The following BTBD1 variants were observed in gnomAD, a reference collection of about 807,000 sequenced individuals.
BTBD1 encodes the protein BTB/POZ domain-containing protein 1.
In BTBD1, 34 loss-of-function variants were observed where a neutral mutation model predicts 48.0. That is an observed-to-expected ratio of 0.71 (90% CI 0.54 to 0.94). The LOEUF is 0.94. Among genes scored for constraint, BTBD1 ranks in the 40% least tolerant of loss-of-function variants. The pLI, the probability that BTBD1 is intolerant of heterozygous loss-of-function variation, is 0.00. For missense variants in BTBD1, 543 were observed against 625.6 expected (o/e 0.87, Z 1.41); for synonymous variants, 261 against 242.1 (o/e 1.08, Z -0.72).
chr15:83,066,825 G>A lies in BTBD1; in HGVS notation c.327C>T (p.Asn109=). Residue 109 remains asparagine, a synonymous_variant, in exon 1 of 8, where the codon AAC becomes AAT. Coordinates refer to ENST00000261721, the MANE Select transcript of BTBD1 (RefSeq NM_025238.4). ...CGGCCGACGTGGTGGCCATGCCGCC[G>A]TTGAACATGGCGTCAAAGACGGCGC... ...AGSAVFDAMF[N]GGMATTSAEI... The A allele has an allele frequency of 1.4e-6, 2 of 1,444,276 alleles. No individual in the cohort carries two copies. Among genetic ancestry groups the A allele is most frequent in the Non-Finnish European group, 1.8e-6 (2 of 1,102,124 alleles). The allele number at this position is 1,444,276 out of a possible 1,614,324, so 89.5% of individuals were successfully genotyped here.
intron 1 of BTBD1, among the ~76,000 whole-genome samples, chr15:83,062,903 C>A (rs2033199446): frequency 6.6e-6 from 1 of 151,960 alleles, no homozygotes; most frequent in Admixed American, 6.6e-5. Flanking sequence ...GTCTCCAGCT[C>A]CTCACTTCCC....
chr15:83,037,348 G>A (rs976630482), intron 4 of BTBD1, among the ~76,000 whole-genome samples: 1 of 152,090 alleles, frequency 6.6e-6, no homozygotes, highest in Non-Finnish European at 1.5e-5. Flanking sequence ...TGAGCAACAT[G>A]GCAAGACTTC....
At position 83,066,737 on chromosome 15, in the gene BTBD1, G is replaced by A. The variant is rs1173188725; in HGVS notation, c.401+14C>T. The A allele has an allele frequency of 6.8e-6, 9 of 1,315,498 alleles. No individual in the cohort carries two copies. The African/African-American group carries it at 1.4e-4, about 21-fold the overall frequency. The allele number at this position is 1,315,498 out of a possible 1,614,324, so 81.5% of individuals were successfully genotyped here. ...GGCCCGGCCCGGCCCGGCCCGGCCC[G>A]CGCTGCCGCTCACCTCAGCAGCGCC... is the stretch of plus-strand genomic sequence containing the variant. On this transcript the variant is annotated intron_variant, in intron 1 of 7. Transcript: ENST00000261721.
At chr15:83,043,890 C>G (rs556951802) in intron 3 of BTBD1, among the ~76,000 whole-genome samples, 9 of 152,220 alleles carry the variant, frequency 5.9e-5, no homozygotes, top group African/African-American at 2.2e-4. Flanking sequence ...TACCTCAGGT[C>G]CTCACTCAGA....
intron 3 of BTBD1, among the ~76,000 whole-genome samples, chr15:83,045,518 C>CAA (rs200876757): frequency 6.6e-6 from 1 of 151,252 alleles, no homozygotes; most frequent in African/African-American, 2.4e-5. Context: ...AACAAACAAA[C>CAA]AAAAAAAAAC....
intron 5 of BTBD1, 39 bp from the exon 6 acceptor site, chr15:83,020,801 C>A: frequency 7.9e-7 from 1 of 1,266,782 alleles, no homozygotes; most frequent in Non-Finnish European, 1.1e-6. Flanking sequence ...TAATTAATCC[C>A]ATGTGTTCAT....
rs532295825 is a variant in BTBD1 at position 83,018,453 on chromosome 15, A to G, written c.1291-228T>C. Among the ~76,000 whole-genome samples, 6 of 152,390 alleles carry G rather than the reference A, an allele frequency of 3.9e-5. 1 individual carries two copies. In the South Asian group the frequency reaches 1.2e-3, roughly 32 times the overall value. On this transcript the variant is annotated intron_variant, in intron 7 of 7. Coordinates refer to ENST00000261721, the MANE Select transcript of BTBD1 (RefSeq NM_025238.4). ...AGAATAGTGAAAAGATTTTACAAAA[A>G]TAACTTTTATTTTCTGCCAAACATT...
At chr15:83,038,046 T>C (rs1161265357) in intron 4 of BTBD1, among the ~76,000 whole-genome samples, 1 of 152,114 alleles carries the variant, frequency 6.6e-6, no homozygotes, top group Non-Finnish European at 1.5e-5. Context: ...CTCGTGCCAG[T>C]GCACTCCAGC....
intron 5 of BTBD1, among the ~76,000 whole-genome samples, chr15:83,027,462 A>T (rs758433530): frequency 6.6e-6 from 1 of 152,230 alleles, no homozygotes; most frequent in African/African-American, 2.4e-5. Flanking sequence ...TGCCCCACTA[A>T]GAGGTGCCAG....
At chr15:83,036,270 T>TA (rs1174987396) in intron 4 of BTBD1, among the ~76,000 whole-genome samples, 1 of 151,810 alleles carries the variant, frequency 6.6e-6, no homozygotes, top group East Asian at 1.9e-4. Context: ...ACAGTTCAGA[T>TA]AAAAGACAAA....
intron 5 of BTBD1, chr15:83,028,769 G>A (rs553025378): frequency 4.6e-5 from 7 of 152,056 alleles, no homozygotes; most frequent in South Asian, 2.1e-4. Flanking sequence ...CAATTTATTA[G>A]CACAGAATAA....
intron 1 of BTBD1, among the ~76,000 whole-genome samples, chr15:83,058,611 T>A (rs925098292): frequency 3.9e-5 from 6 of 151,954 alleles, no homozygotes; most frequent in East Asian, 1.9e-4. Context: ...TTAAAAAAAT[T>A]TTTTTTTAAT....
At chr15:83,029,872 AAAAC>A in intron 5 of BTBD1, 1 of 412,744 alleles carries the variant, frequency 2.4e-6, no homozygotes, top group Admixed American at 4.3e-5. Flanking sequence ...ATCTTGGGGA[AAAAC>A]AAAAAAATCA....
intron 1 of BTBD1, among the ~76,000 whole-genome samples, chr15:83,063,956 T>A (rs1408216305): frequency 6.6e-6 from 1 of 152,230 alleles, no homozygotes; most frequent in Non-Finnish European, 1.5e-5. Context: ...GGGCAAGGAC[T>A]TTTTCTTGTT....
intron 3 of BTBD1, among the ~76,000 whole-genome samples, chr15:83,046,610 T>C (rs182651616): frequency 1.3e-5 from 2 of 152,114 alleles, no homozygotes; most frequent in African/African-American, 4.8e-5. Context: ...CAGGCAGTAA[T>C]GCTTCAAATG....
chr15:83,055,970 G>A (rs187122053), intron 2 of BTBD1, among the ~76,000 whole-genome samples: 5 of 152,040 alleles, frequency 3.3e-5, no homozygotes, highest in East Asian at 3.9e-4. Context: ...ATGGAGTCTC[G>A]CTCTGTCTCC....
At chr15:83,026,650 G>A (rs1048371120) in intron 5 of BTBD1, among the ~76,000 whole-genome samples, 3 of 150,232 alleles carry the variant, frequency 2.0e-5, no homozygotes, top group Non-Finnish European at 2.9e-5. Context: ...AGCCTCCCAA[G>A]TAGCTGGTAT....
chr15:83,035,090 T>G (rs1596431385), intron 4 of BTBD1, among the ~76,000 whole-genome samples: 1 of 152,044 alleles, frequency 6.6e-6, no homozygotes, highest in South Asian at 2.1e-4. Context: ...GGTCAGGAGT[T>G]TGAGACCAGT....
chr15:83,045,292 C>T (rs1016492210), intron 3 of BTBD1, among the ~76,000 whole-genome samples: 1 of 152,036 alleles, frequency 6.6e-6, no homozygotes, highest in East Asian at 1.9e-4. Context: ...GTCAGGAGTT[C>T]GAGACCACCC....
Sources: allele counts gnomAD v4.1 joint callset (sites outside exome capture counted in the v4.1 genomes callset), GRCh38; gene constraint gnomAD v4.1.1; transcripts MANE v1.5; gene names NCBI Gene and HGNC (gene_info 2026-07-23, HGNC 2026-07-21).